Variants in ROBO2 observed in about 807,000 individuals in gnomAD.
ROBO2 encodes the protein roundabout homolog 2.
In ROBO2, 53 loss-of-function variants were observed where a neutral mutation model predicts 160.8. That is an observed-to-expected ratio of 0.33 (90% CI 0.26 to 0.41). ROBO2 has a LOEUF of 0.41. Among genes scored for constraint, ROBO2 ranks in the 10% least tolerant of loss-of-function variants. The pLI is 1.00. For missense variants in ROBO2, 1,577 were observed against 1,722.4 expected, an observed-to-expected ratio of 0.92 and a Z score of 1.49; for synonymous variants, 664 against 611.7, an observed-to-expected ratio of 1.09 and a Z score of -1.26.
intron 2 of ROBO2, among the ~76,000 whole-genome samples, chr3:76,772,408 T>A (rs1403729388): frequency 1.3e-5 from 2 of 149,100 alleles, no homozygotes; most frequent in African/African-American, 4.9e-5. Flanking sequence ...CTATGTGTAT[T>A]TATATGCACA....
At chr3:77,514,840 T>A (rs1033213875) in intron 5 of ROBO2, among the ~76,000 whole-genome samples, 2 of 151,746 alleles carry the variant, frequency 1.3e-5, no homozygotes, top group African/African-American at 2.4e-5. Context: ...AGGCCACATC[T>A]GTTAGACCTG....
At chr3:77,170,529 T>C (rs545666226) in intron 2 of ROBO2, among the ~76,000 whole-genome samples, 1 of 152,228 alleles carries the variant, frequency 6.6e-6, no homozygotes, top group South Asian at 2.1e-4. Context: ...TCAGTAAGCA[T>C]TGGTGATTTG....
At chr3:76,527,659 AT>A (rs2082019680) in intron 2 of ROBO2, among the ~76,000 whole-genome samples, 1 of 152,164 alleles carries the variant, frequency 6.6e-6, no homozygotes, top group Non-Finnish European at 1.5e-5. Context: ...TTTTAAAAAA[AT>A]ACCCACTGAC....
chr3:76,000,971 T>C (rs1346167486), intron 2 of ROBO2, among the ~76,000 whole-genome samples: 2 of 152,190 alleles, frequency 1.3e-5, no homozygotes, highest in Non-Finnish European at 2.9e-5. Flanking sequence ...TTCACATCTT[T>C]AAGAAAATTT....
At chr3:76,365,700 A>C (rs1338571437) in intron 2 of ROBO2, among the ~76,000 whole-genome samples, 1 of 152,082 alleles carries the variant, frequency 6.6e-6, no homozygotes, top group African/African-American at 2.4e-5. Context: ...TAGATCCATA[A>C]AATGTATTGC....
chr3:76,754,838 G>T (rs1406272006), intron 2 of ROBO2, among the ~76,000 whole-genome samples: 1 of 151,768 alleles, frequency 6.6e-6, no homozygotes, highest in Admixed American at 6.6e-5. Context: ...GTGACAGGAG[G>T]GTTGGGAAAT....
intron 2 of ROBO2, among the ~76,000 whole-genome samples, chr3:77,457,785 TA>T (rs911968719): frequency 9.2e-5 from 14 of 152,028 alleles, no homozygotes; most frequent in African/African-American, 2.9e-4. Context: ...TCCTAAGTAT[TA>T]TTTTGTTCGG....
chr3:76,048,475 A>G (rs1178798420), intron 2 of ROBO2, among the ~76,000 whole-genome samples: 1 of 152,218 alleles, frequency 6.6e-6, no homozygotes, highest in Middle Eastern at 3.2e-3. Context: ...GTTTGTACAT[A>G]AACTGCAAAT....
intron 2 of ROBO2, among the ~76,000 whole-genome samples, chr3:77,172,624 T>C (rs962736679): frequency 9.2e-5 from 14 of 152,200 alleles, no homozygotes; most frequent in Admixed American, 7.9e-4. Context: ...TGAATCAATA[T>C]ATAGACAAGT....
chr3:76,452,783 T>G (rs1160895809), intron 2 of ROBO2, among the ~76,000 whole-genome samples: 1 of 151,336 alleles, frequency 6.6e-6, no homozygotes, highest in Non-Finnish European at 1.5e-5. Flanking sequence ...TAGTTTACAG[T>G]CCCACCAACA....
intron 2 of ROBO2, among the ~76,000 whole-genome samples, chr3:76,507,754 T>C (rs2080868735): frequency 1.3e-5 from 2 of 152,092 alleles, no homozygotes; most frequent in South Asian, 2.1e-4. Flanking sequence ...ATAAAGGTCA[T>C]GTACCATATA....
chr3:76,215,866 A>G (rs1378552635), intron 2 of ROBO2, among the ~76,000 whole-genome samples: 1 of 152,192 alleles, frequency 6.6e-6, no homozygotes, highest in East Asian at 1.9e-4. Context: ...TGGCAGATTC[A>G]CCAAAGTTGA....
intron 2 of ROBO2, among the ~76,000 whole-genome samples, chr3:76,494,922 G>A (rs948070052): frequency 6.6e-6 from 1 of 152,136 alleles, no homozygotes; most frequent in Non-Finnish European, 1.5e-5. Context: ...CTGCTTAATG[G>A]GTACAGGGTT....
At chr3:77,471,783 G>T (rs2153580456) in intron 2 of ROBO2, among the ~76,000 whole-genome samples, 1 of 152,282 alleles carries the variant, frequency 6.6e-6, no homozygotes, top group Non-Finnish European at 1.5e-5. Context: ...AGAGGAAAGT[G>T]GGAGACACAG....
At chr3:77,100,594 T>C (rs974665663) in intron 2 of ROBO2, among the ~76,000 whole-genome samples, 1 of 151,926 alleles carries the variant, frequency 6.6e-6, no homozygotes, top group African/African-American at 2.4e-5. Flanking sequence ...TAAATACTCA[T>C]TGTGGTGCAT....
intron 2 of ROBO2, among the ~76,000 whole-genome samples, chr3:76,893,994 C>T (rs747862287): frequency 3.3e-5 from 5 of 151,968 alleles, no homozygotes; most frequent in Non-Finnish European, 7.4e-5. Context: ...AATTGATAGA[C>T]GATTTTGCCT....
intron 17 of ROBO2, among the ~76,000 whole-genome samples, chr3:77,593,910 A>T (rs893826963): frequency 6.6e-5 from 10 of 152,168 alleles, no homozygotes; most frequent in Non-Finnish European, 1.2e-4. Context: ...AAAAAAAATC[A>T]TAGTAAATAT....
chr3:77,596,072 T>C (rs2094296108), intron 18 of ROBO2, among the ~76,000 whole-genome samples: 1 of 152,168 alleles, frequency 6.6e-6, no homozygotes, highest in Non-Finnish European at 1.5e-5. Flanking sequence ...AAAAAACCCT[T>C]AATATACCCC....
intron 2 of ROBO2, among the ~76,000 whole-genome samples, chr3:77,380,270 C>T (rs568030101): frequency 1.6e-3 from 246 of 152,306 alleles, no homozygotes; most frequent in Non-Finnish European, 2.5e-3. Context: ...AGATGAAACA[C>T]ACTAGCATGT....
Sources: gnomAD v4.1 joint callset for allele counts (sites outside exome capture counted in the v4.1 genomes callset) on GRCh38, gnomAD v4.1.1 for gene constraint, MANE v1.5 for transcripts, NCBI Gene and HGNC (gene_info 2026-07-23, HGNC 2026-07-21) for gene names.